The following DVL1 variants were observed in gnomAD, a reference collection of about 807,000 sequenced individuals.
DVL1 encodes the protein segment polarity protein dishevelled homolog DVL-1.
Under a neutral mutation model 65.0 loss-of-function variants are expected in DVL1, and 49 were observed. The ratio of observed to expected loss-of-function variants is 0.75; its 90% CI spans 0.60 to 0.96. The LOEUF is 0.96. DVL1 is among the 40% of genes least tolerant of loss of function. The probability of loss-of-function intolerance (pLI) is 0.00; values close to 1 mark genes in which losing one functional copy is unlikely to be tolerated. For missense variants in DVL1, 1,197 were observed against 1,045.4 expected (o/e 1.15, Z -2.00); for synonymous variants, 608 against 433.9 (o/e 1.40, Z -4.99).
rs766029968 is a variant in DVL1, at chr1:1,340,509, AAC to A, written c.606-8_606-7del. On this transcript the variant is annotated splice_polypyrimidine_tract_variant and splice_region_variant and intron_variant, in intron 5 of 14. Coordinates refer to ENST00000378888, the MANE Select transcript of DVL1 (RefSeq NM_001330311.2). The stretch of plus-strand genomic sequence containing the variant: ...GCTCCGTGGAGCTGCTGAGCCTGGG[AAC>A]AGACTGTCAGAGCTCAGAGGAGCTG... The A allele has an allele frequency of 6.3e-7, 1 of 1,597,416 alleles. No homozygotes were observed. The highest frequency in any genetic ancestry group is 1.1e-5 in the South Asian group (1 of 88,712).
rs1456309138 is a variant in DVL1, at chr1:1,342,088, C to A, written c.431G>T (p.Arg144Leu). Residue 144 changes from arginine to leucine, a missense_variant, in exon 4 of 15, where the codon CGG (arginine) becomes CTG (leucine). By Grantham distance (102) the Arg-to-Leu change is moderately radical (BLOSUM62 -2). Transcript: ENST00000378888. ...ETGTESMVSH[R>L]RERARRRNRE... ...GTTCCGGCGTCGGGCACGCTCCCGC[C>A]GGTGACTGACCATGGACTCCGTGCC... The A allele has an allele frequency of 3.1e-6, 5 of 1,594,188 alleles. No homozygotes were observed. The highest frequency in any genetic ancestry group is 4.3e-6 in the Non-Finnish European group (5 of 1,171,656).
rs745945473 is a variant in DVL1 at position 1,338,188 on chromosome 1, C to A, written c.1508-5G>T. 12 of 1,599,126 alleles carry A rather than the reference C, an allele frequency of 7.5e-6. No individual in the cohort carries two copies. The highest frequency in any genetic ancestry group is 1.7e-5 in the Admixed American group (1 of 59,222). ...TGAGGTTCAGGGTGGCGAGATCTGG[C>A]GGGGGAGGGTAGGTGAGGGCCGCGG... On this transcript the variant is annotated splice_polypyrimidine_tract_variant and splice_region_variant and intron_variant, in intron 13 of 14. Transcript: ENST00000378888.
intron 3 of DVL1, 101 bp from the exon 4 acceptor site, chr1:1,342,257 G>T (rs1643860236): frequency 2.7e-6 from 4 of 1,496,822 alleles, no homozygotes; most frequent in Non-Finnish European, 3.6e-6. Flanking sequence ...AGCCCCAGCA[G>T]GTGCCACGCC....
chr1:1,347,808 A>ATGG (rs1643941127), intron 1 of DVL1, among the ~76,000 whole-genome samples: 1 of 152,122 alleles, frequency 6.6e-6, no homozygotes, highest in South Asian at 2.1e-4. Flanking sequence ...GGGAGCGCCC[A>ATGG]GCCTTCAAAG....
intron 1 of DVL1, among the ~76,000 whole-genome samples, chr1:1,346,039 G>A (rs1221133708): frequency 1.3e-5 from 2 of 152,264 alleles, no homozygotes; most frequent in African/African-American, 4.8e-5. Context: ...TGCAGTAGGT[G>A]AACTGCCTGG....
chr1:1,338,155 G>T lies in DVL1; in HGVS notation c.1536C>A (p.Gly512=), dbSNP rs779653558. Residue 512 remains glycine (G), a synonymous_variant, in exon 14 of 15, where the codon GGC becomes GGA. Coordinates refer to ENST00000378888, the MANE Select transcript of DVL1 (RefSeq NM_001330311.2). ...TGTCCTGATCCGAAGTCCCACTGGA[G>T]CCACTGTTGAGGTTCAGGGTGGCGA... The part of the protein sequence containing the change: ...SNLATLNLNS[G]SSGTSDQDTL... 4 of 1,609,262 alleles carry T rather than the reference G, an allele frequency of 2.5e-6. No homozygotes were observed. The highest frequency in any genetic ancestry group is 3.4e-6 in the Non-Finnish European group (4 of 1,178,302).
In DVL1 at chr1:1,342,479, G is replaced by A. The variant is rs764477859; in HGVS notation, c.246C>T (p.Val82=). Residue 82 remains valine (V), a synonymous_variant, in exon 3 of 15, where the codon GTC becomes GTT. Transcript: ENST00000378888. The part of the protein sequence containing the change: ...CFNGRVVSWL[V]LAEGAHSDAG... Reference sequence around the variant, plus strand: ...CATCCGAGTGAGCACCCTCAGCCAGGACCAGCTGTGGAGGGAGCAGGCATG... The same window carrying A: ...CATCCGAGTGAGCACCCTCAGCCAGAACCAGCTGTGGAGGGAGCAGGCATG... The A allele has an allele frequency of 6.2e-7, 1 of 1,610,324 alleles. No individual in the cohort carries two copies. The highest frequency in any genetic ancestry group is 8.5e-7 in the Non-Finnish European group (1 of 1,179,410).
At chr1:1,348,795 C>T (rs933338720) in intron 1 of DVL1, 101 bp downstream of exon 1, 38 of 1,074,796 alleles carry the variant, frequency 3.5e-5, no homozygotes, top group Admixed American at 4.8e-5. Context: ...TCGCAGGTCC[C>T]CGGGGGCGCG....
At chr1:1,346,950 C>T (rs1295278986) in intron 1 of DVL1, among the ~76,000 whole-genome samples, 3 of 152,194 alleles carry the variant, frequency 2.0e-5, no homozygotes, top group Admixed American at 6.5e-5. Flanking sequence ...GCCCCTCCCA[C>T]GGGGGTTCTA....
At chr1:1,337,788 G>A (rs1643628422) in intron 14 of DVL1, 189 bp downstream of exon 14, 1 of 710,610 alleles carries the variant, frequency 1.4e-6, no homozygotes, top group South Asian at 1.5e-5. Flanking sequence ...AGCCCACCCA[G>A]GGCCCAAGTA....
intron 1 of DVL1, 74 bp from the exon 2 acceptor site, chr1:1,342,832 G>GCTCTC: frequency 2.1e-6 from 3 of 1,444,600 alleles, no homozygotes; most frequent in Non-Finnish European, 2.9e-6. Flanking sequence ...GGCCTGGAGA[G>GCTCTC]CAGGCGCTCC....
intron 1 of DVL1, among the ~76,000 whole-genome samples, chr1:1,348,010 G>A (rs769273748): frequency 5.3e-5 from 8 of 152,206 alleles, no homozygotes; most frequent in Non-Finnish European, 1.2e-4. Flanking sequence ...ACAATCCCAA[G>A]AAGCGGCCAC....
intron 5 of DVL1, among the ~76,000 whole-genome samples, chr1:1,340,717 A>C (rs564199944): frequency 6.6e-6 from 1 of 152,240 alleles, no homozygotes; most frequent in South Asian, 2.1e-4. Flanking sequence ...GCACAGACAC[A>C]TGTAGCCAGA....
rs553429316 is a variant in DVL1, at chr1:1,341,534, T to C, written c.605+133A>G. 7.5e-6 allele frequency: 9 copies of C among 1,207,740 alleles called. No individual in the cohort carries two copies. The East Asian group carries it at 1.4e-4, about 18-fold the overall frequency. The allele number at this position is 1,207,740 out of a possible 1,614,324, so 74.8% of individuals were successfully genotyped here. Reference sequence around the variant, plus strand: ...ACACGTGCATCATGTACACAGACATTTGCAGGCACACACATGCACACACAC... The same window carrying C: ...ACACGTGCATCATGTACACAGACATCTGCAGGCACACACATGCACACACAC... On this transcript the variant is annotated intron_variant, in intron 5 of 14. Transcript: ENST00000378888.
intron 5 of DVL1, among the ~76,000 whole-genome samples, chr1:1,340,997 C>T (rs1012493088): frequency 6.8e-6 from 1 of 147,870 alleles, no homozygotes; most frequent in South Asian, 2.1e-4. Flanking sequence ...CACCTGCATA[C>T]TCACCTGCAC....
chr1:1,338,228 T>TGGGCCCCCCC, intron 13 of DVL1, 41 bp downstream of exon 13: 1 of 1,584,398 alleles, frequency 6.3e-7, no homozygotes, highest in Non-Finnish European at 8.6e-7. Context: ...GCCTCCGGCG[T>TGGGCCCCCCC]TCCCCTCCCC....
At chr1:1,340,868 C>G (rs1643781934) in intron 5 of DVL1, among the ~76,000 whole-genome samples, 1 of 147,806 alleles carries the variant, frequency 6.8e-6, no homozygotes, top group Non-Finnish European at 1.5e-5. Context: ...CACCCCTGCG[C>G]ACAGGCACAC....
At position 1,336,091 on chromosome 1, in the gene DVL1, GCAGGACCGC is replaced by G. The variant is rs1460521374; in HGVS notation, c.*42_*50del. ...CAAGCCCACGCGAGCTCTGCATGCG[GCAGGACCGC>G]CAGCTCCCCACCTCAGGCAGGGCTG... On this transcript the variant is annotated 3_prime_UTR_variant, in exon 15 of 15. Transcript: ENST00000378888. 1 of 1,547,680 alleles carries G rather than the reference GCAGGACCGC, an allele frequency of 6.5e-7. No individual in the cohort carries two copies. The highest frequency in any genetic ancestry group is 1.9e-5 in the Admixed American group (1 of 52,982).
intron 10 of DVL1, 64 bp downstream of exon 10, chr1:1,339,518 A>G (rs1250461493): frequency 6.4e-7 from 1 of 1,553,662 alleles, no homozygotes; most frequent in Admixed American, 1.9e-5. Flanking sequence ...CAGAGGAGAG[A>G]GGCCTTCAGG....
Sources: allele counts gnomAD v4.1 joint callset (sites outside exome capture counted in the v4.1 genomes callset), GRCh38; gene constraint gnomAD v4.1.1; transcripts MANE v1.5; gene names NCBI Gene and HGNC (gene_info 2026-07-23, HGNC 2026-07-21).